ARL8B: variants seen among roughly 807,000 people sequenced by gnomAD.
The protein encoded by ARL8B is ARF like GTPase 8B.
ARL8B carries 9 observed loss-of-function variants against 30.6 expected under a neutral mutation model. The ratio of observed to expected loss-of-function variants is 0.29; its 90% CI spans 0.18 to 0.51. The LOEUF (loss-of-function observed/expected upper bound fraction) is 0.51, where lower values mean the gene tolerates loss of function less well. ARL8B is among the 20% of genes least tolerant of loss of function. ARL8B has a pLI of 0.97. For missense variants in ARL8B, 130 were observed against 227.2 expected (o/e 0.57, Z 2.75); for synonymous variants, 74 against 76.0 (o/e 0.97, Z 0.14).
intron 1 of ARL8B, among the ~76,000 whole-genome samples, chr3:5,146,542 G>A (rs1347967741): frequency 1.3e-5 from 2 of 152,004 alleles, no homozygotes; most frequent in East Asian, 1.9e-4. Context: ...AGTCTGTAAG[G>A]GTGTGATTTT....
chr3:5,123,443 G>T (rs116454210), intron 1 of ARL8B, among the ~76,000 whole-genome samples: 351 of 152,320 alleles, frequency 2.3e-3, no homozygotes, highest in African/African-American at 8.0e-3. Flanking sequence ...TGAGTAGAAA[G>T]GTGATTGTTT....
intron 1 of ARL8B, among the ~76,000 whole-genome samples, chr3:5,170,203 C>G (rs1575574319): frequency 6.6e-6 from 1 of 152,106 alleles, no homozygotes; most frequent in Admixed American, 6.5e-5. Context: ...TCTAGGTGAA[C>G]ACATTTAAAA....
intron 1 of ARL8B, among the ~76,000 whole-genome samples, chr3:5,135,930 G>C (rs1031207167): frequency 4.9e-4 from 74 of 151,292 alleles, no homozygotes; most frequent in African/African-American, 1.7e-3. Flanking sequence ...GGGATTACAG[G>C]CACATGCTGC....
intron 6 of ARL8B, 56 bp from the exon 7 acceptor site, chr3:5,178,607 CT>C (rs1464154657): frequency 6.5e-7 from 1 of 1,531,274 alleles, no homozygotes; most frequent in Non-Finnish European, 8.9e-7. Flanking sequence ...AATATTGTCT[CT>C]GTTTGATGTT....
chr3:5,164,711 A>G (rs1043579060), intron 1 of ARL8B, among the ~76,000 whole-genome samples: 9 of 152,150 alleles, frequency 5.9e-5, no homozygotes, highest in African/African-American at 2.2e-4. Context: ...TACCTATTCC[A>G]TTTTTGTCAG....
chr3:5,172,317 C>A, intron 3 of ARL8B, 94 bp downstream of exon 3: 1 of 1,101,960 alleles, frequency 9.1e-7, no homozygotes, highest in Non-Finnish European at 1.3e-6. Context: ...CAATTTTTAT[C>A]TCAGGCAGTG....
At chr3:5,145,876 A>G (rs951763048) in intron 1 of ARL8B, among the ~76,000 whole-genome samples, 1 of 152,150 alleles carries the variant, frequency 6.6e-6, no homozygotes, top group Non-Finnish European at 1.5e-5. Flanking sequence ...TTCCTTCACT[A>G]ATCAGGTGTC....
At chr3:5,172,934 T>G (rs1035929804) in intron 4 of ARL8B, among the ~76,000 whole-genome samples, 194 bp downstream of exon 4, 1 of 152,210 alleles carries the variant, frequency 6.6e-6, no homozygotes, top group African/African-American at 2.4e-5. Flanking sequence ...ACGTATCTAC[T>G]AAACTACTAT....
chr3:5,127,865 T>A, intron 1 of ARL8B, among the ~76,000 whole-genome samples: 1 of 86,826 alleles, frequency 1.2e-5, no homozygotes, highest in Non-Finnish European at 2.0e-5. Flanking sequence ...AGAGCGAGAC[T>A]CCGTCTCAAA....
chr3:5,132,960 G>C (rs2054295565), intron 1 of ARL8B, among the ~76,000 whole-genome samples: 1 of 152,158 alleles, frequency 6.6e-6, no homozygotes, highest in Non-Finnish European at 1.5e-5. Context: ...TGGCAGGAAT[G>C]GCTTTTGAGC....
chr3:5,140,519 T>C (rs184801974), intron 1 of ARL8B, among the ~76,000 whole-genome samples: 12 of 152,278 alleles, frequency 7.9e-5, no homozygotes, highest in African/African-American at 2.6e-4. Context: ...TGGGTATGTC[T>C]TTATTAGCAG....
At chr3:5,142,239 C>G (rs970229951) in intron 1 of ARL8B, among the ~76,000 whole-genome samples, 2 of 152,124 alleles carry the variant, frequency 1.3e-5, no homozygotes, top group African/African-American at 4.8e-5. Context: ...GCCTGACTTA[C>G]CAGTGATGTT....
intron 1 of ARL8B, among the ~76,000 whole-genome samples, chr3:5,124,731 G>C (rs2054215097): frequency 1.3e-5 from 2 of 152,124 alleles, no homozygotes; most frequent in South Asian, 4.1e-4. Context: ...TCCTGCCTTG[G>C]CCTCCCAGCA....
chr3:5,174,162 G>T, intron 5 of ARL8B, 78 bp downstream of exon 5: 2 of 1,317,258 alleles, frequency 1.5e-6, no homozygotes, highest in South Asian at 1.2e-5. Context: ...TATTCCTAAT[G>T]ATCATAGCCA....
intron 1 of ARL8B, among the ~76,000 whole-genome samples, chr3:5,132,378 A>C (rs769607443): frequency 1.3e-5 from 2 of 151,778 alleles, no homozygotes; most frequent in Non-Finnish European, 2.9e-5. Flanking sequence ...CCTCAGCCTC[A>C]GGCTCTCCCC....
intron 1 of ARL8B, among the ~76,000 whole-genome samples, chr3:5,148,764 G>C (rs1007968577): frequency 2.6e-5 from 4 of 152,114 alleles, no homozygotes; most frequent in Non-Finnish European, 4.4e-5. Context: ...TATGAATAGG[G>C]TCTTTGGGCC....
intron 1 of ARL8B, among the ~76,000 whole-genome samples, chr3:5,127,903 C>T (rs569968014): frequency 1.2e-5 from 1 of 83,104 alleles, no homozygotes; most frequent in South Asian, 3.5e-4. Context: ...AAAAAAAAAG[C>T]GGAGGGCCAG....
chr3:5,122,312 T>A lies in ARL8B; in HGVS notation c.-154T>A, dbSNP rs1559272034. On this transcript the variant is annotated 5_prime_UTR_variant, in exon 1 of 7. Coordinates refer to ENST00000256496, the MANE Select transcript of ARL8B (RefSeq NM_018184.3). ...GAGTCATATGATCCGCTCGGCTTCC[T>A]GGGTCTGGCTGCTGCCGCCCGCCGG... is the stretch of plus-strand genomic sequence containing the variant. 1.3e-6 allele frequency: 2 copies of A among 1,516,326 alleles called. No homozygotes were observed. The highest frequency in any genetic ancestry group is 2.0e-5 in the Admixed American group (1 of 50,158). 93.9% of individuals were successfully genotyped at this position (1,516,326 alleles called of 1,614,324 possible). A position where few individuals can be genotyped will look rare whatever the true frequency, so the allele number is the denominator to read the frequency against.
intron 1 of ARL8B, among the ~76,000 whole-genome samples, chr3:5,140,547 A>G (rs893369889): frequency 6.8e-6 from 1 of 146,610 alleles, no homozygotes; most frequent in African/African-American, 2.6e-5. Context: ...ACAGACTCAT[A>G]CACCTTCTTG....
Sources: gnomAD v4.1 joint callset for allele counts (sites outside exome capture counted in the v4.1 genomes callset) on GRCh38, gnomAD v4.1.1 for gene constraint, MANE v1.5 for transcripts, NCBI Gene and HGNC (gene_info 2026-07-23, HGNC 2026-07-21) for gene names.